SGCE: variants seen among roughly 807,000 people sequenced by gnomAD.
The protein encoded by SGCE is sarcoglycan epsilon, also known as epsilon-sarcoglycan.
Under a neutral mutation model 57.8 loss-of-function variants are expected in SGCE, and 26 were observed. That is an observed-to-expected ratio of 0.45 (90% CI 0.33 to 0.62). The LOEUF is 0.62. Ranked by LOEUF, SGCE falls within the 20% of genes least tolerant of loss-of-function variation. SGCE has a pLI of 0.02. For synonymous variants in SGCE, 183 were observed against 189.5 expected, an observed-to-expected ratio of 0.97 and a Z score of 0.28; for missense variants, 468 against 548.6, an observed-to-expected ratio of 0.85 and a Z score of 1.47.
rs750556405 is a variant in SGCE, at chr7:94,598,893, C to T, written c.1135G>A (p.Glu379Lys). 2 of 1,613,766 alleles carry T rather than the reference C, an allele frequency of 1.2e-6. No homozygotes were observed. The highest frequency in any genetic ancestry group is 2.2e-5 in the South Asian group (2 of 91,074). The part of the protein sequence containing the change: ...KELRDMSKNR[E>K]IAWPLSTLPV... The stretch of plus-strand genomic sequence containing the variant: ...AGCGTTGACAGGGGCCATGCTATCT[C>T]TCTATTCTTGGACATGTCTCGAAGC... Residue 379 changes from glutamate (E) to lysine (K), a missense_variant, in exon 9 of 11, where the codon GAG becomes AAG. Coordinates refer to ENST00000648936, the MANE Select transcript of SGCE (RefSeq NM_003919.3).
At chr7:94,633,929 C>T (rs1262549769) in intron 1 of SGCE, among the ~76,000 whole-genome samples, 1 of 152,144 alleles carries the variant, frequency 6.6e-6, no homozygotes, top group African/African-American at 2.4e-5. Context: ...GAACACTTGC[C>T]AGTTCTTTTT....
At position 94,656,032 on chromosome 7, in the gene SGCE, G is replaced by C. The variant is rs774045225; in HGVS notation, c.67C>G (p.Arg23Gly). 1 of 1,612,816 alleles carries C rather than the reference G, an allele frequency of 6.2e-7. No individual in the cohort carries two copies. The highest frequency in any genetic ancestry group is 1.3e-5 in the African/African-American group (1 of 74,894). ...CCAGTGGTCGCGGGGCTCATCCTGC[G>C]TGTCCCCCGACCCTGTCCCGTCCAA... ...CAWTGQGRGT[R>G]RMSPATTGTF... Residue 23 changes from arginine to glycine, a missense_variant, in exon 1 of 11, where the codon CGC becomes GGC. Arg to Gly is a moderately radical substitution (Grantham distance 125). Coordinates refer to ENST00000648936, the MANE Select transcript of SGCE (RefSeq NM_003919.3).
chr7:94,608,319 G>A (rs1055999702), intron 5 of SGCE, among the ~76,000 whole-genome samples: 2 of 152,148 alleles, frequency 1.3e-5, no homozygotes, highest in Admixed American at 1.3e-4. Flanking sequence ...CTGGGCGACA[G>A]AGTACCCTCC....
intron 5 of SGCE, among the ~76,000 whole-genome samples, chr7:94,615,405 GATAGATAGATAGATAGATAA>G (rs946219990): frequency 1.1e-4 from 16 of 150,338 alleles, no homozygotes; most frequent in Non-Finnish European, 2.1e-4. Context: ...TAGATAGATA[GATAGATAGATAGATAGATAA>G]AGGGCAATTC....
intron 10 of SGCE, chr7:94,588,457 C>T (rs899443607): frequency 2.2e-6 from 3 of 1,339,658 alleles, no homozygotes; most frequent in Admixed American, 6.2e-5. Context: ...TTAGACAGGA[C>T]CTCCATGGAT....
chr7:94,607,638 A>T (rs1257361253), intron 5 of SGCE, among the ~76,000 whole-genome samples: 2 of 152,184 alleles, frequency 1.3e-5, no homozygotes, highest in African/African-American at 4.8e-5. Context: ...CTAGGAATAG[A>T]GGGGAATTTC....
chr7:94,650,266 AC>A (rs1562904712), intron 1 of SGCE, among the ~76,000 whole-genome samples: 1 of 152,104 alleles, frequency 6.6e-6, no homozygotes, highest in Non-Finnish European at 1.5e-5. Context: ...TGCAGAAGGG[AC>A]CCTATTTCCC....
At chr7:94,587,818 A>C in intron 10 of SGCE, 1 of 1,544,128 alleles carries the variant, frequency 6.5e-7, no homozygotes, top group Non-Finnish European at 8.7e-7. Flanking sequence ...ATCTCCTTAA[A>C]TTCACGAAAG....
rs1453467325 is a variant in SGCE, at chr7:94,623,358, G to A, written c.430C>T (p.His144Tyr). The change falls in exon 4 of 11, where the codon CAT becomes TAT. Residue 144 changes from histidine (H) to tyrosine (Y), a missense_variant. Coordinates refer to ENST00000648936, the MANE Select transcript of SGCE (RefSeq NM_003919.3). Reference protein sequence around the residue: ...YNRRTFETARHNLIINIMSAE... With the variant: ...YNRRTFETARYNLIINIMSAE... ...GACATTATATTAATTATCAAATTAT[G>A]CCTTGCAGTCTCAAAGGTGCGCCTG... 1 of 1,605,084 alleles carries A rather than the reference G, an allele frequency of 6.2e-7. No individual in the cohort carries two copies. Among genetic ancestry groups the A allele is most frequent in the Non-Finnish European group, 8.5e-7 (1 of 1,173,244 alleles).
intron 1 of SGCE, among the ~76,000 whole-genome samples, chr7:94,630,951 G>T (rs1386152986): frequency 6.6e-6 from 1 of 151,938 alleles, no homozygotes; most frequent in Non-Finnish European, 1.5e-5. Context: ...CTTTATCTGT[G>T]AAAACTTGTC....
At chr7:94,611,932 GA>G (rs1801107122) in intron 5 of SGCE, among the ~76,000 whole-genome samples, 1 of 152,098 alleles carries the variant, frequency 6.6e-6, no homozygotes, top group South Asian at 2.1e-4. Context: ...TAAAAATTCA[GA>G]ACAAAAGTAG....
rs1412538985 is a variant in SGCE, at chr7:94,603,367, G to C, written c.748C>G (p.Gln250Glu). The change falls in exon 6 of 11, where the codon CAA (glutamine) becomes GAA (glutamate). Residue 250 changes from glutamine to glutamate, a missense_variant. Gln to Glu is a conservative substitution (Grantham distance 29). Transcript: ENST00000648936. ...CATGTTATTACAGGCTCCATTTCTT[G>C]ACTACATCTCAATTGATTCTGTGGA... ...ENPQNQLRCS[Q>E]EMEPVITCDK... 3 of 1,612,546 alleles carry C rather than the reference G, an allele frequency of 1.9e-6. No homozygotes were observed. The highest frequency in any genetic ancestry group is 1.1e-5 in the South Asian group (1 of 91,030).
chr7:94,641,950 A>C (rs1490433894), intron 1 of SGCE, among the ~76,000 whole-genome samples: 1 of 152,132 alleles, frequency 6.6e-6, no homozygotes, highest in Non-Finnish European at 1.5e-5. Context: ...CAACCGGCTA[A>C]AACCGAGGCT....
At chr7:94,643,172 C>T (rs546791754) in intron 1 of SGCE, among the ~76,000 whole-genome samples, 8 of 152,140 alleles carry the variant, frequency 5.3e-5, no homozygotes, top group African/African-American at 1.7e-4. Flanking sequence ...ACCTTATGGG[C>T]TATTTAAAGG....
At chr7:94,654,412 CAAACA>C in intron 1 of SGCE, among the ~76,000 whole-genome samples, 1 of 152,170 alleles carries the variant, frequency 6.6e-6, no homozygotes, top group Admixed American at 6.5e-5. Context: ...TTTAAACAAA[CAAACA>C]AAACTGGTAA....
chr7:94,629,621 ATAATGT>A (rs1584699762), intron 2 of SGCE, 92 bp downstream of exon 2: 1 of 1,095,442 alleles, frequency 9.1e-7, no homozygotes. Flanking sequence ...ACCATTTGAA[ATAATGT>A]TAATGATATT....
intron 6 of SGCE, 149 bp downstream of exon 6, chr7:94,603,141 A>G (rs1456986205): frequency 7.9e-6 from 5 of 633,090 alleles, no homozygotes; most frequent in African/African-American, 7.4e-5. Flanking sequence ...ACTGTCAACG[A>G]GCTTACCAGA....
chr7:94,592,821 T>G (rs1797883364), intron 9 of SGCE, among the ~76,000 whole-genome samples: 1 of 152,126 alleles, frequency 6.6e-6, no homozygotes, highest in African/African-American at 2.4e-5. Context: ...AAAATGATGA[T>G]TTGCATAAAG....
intron 5 of SGCE, among the ~76,000 whole-genome samples, chr7:94,615,390 A>G (rs1801752152): frequency 1.3e-5 from 2 of 148,850 alleles, no homozygotes; most frequent in Admixed American, 6.7e-5. Flanking sequence ...AGATAGATAG[A>G]TAGATAGATA....
Sources: allele counts gnomAD v4.1 joint callset (sites outside exome capture counted in the v4.1 genomes callset), GRCh38; gene constraint gnomAD v4.1.1; transcripts MANE v1.5; gene names NCBI Gene and HGNC (gene_info 2026-07-23, HGNC 2026-07-21).